The following USP34 variants were observed in gnomAD, a reference collection of about 807,000 sequenced individuals.
USP34 encodes the protein ubiquitin carboxyl-terminal hydrolase 34.
USP34 carries 70 observed loss-of-function variants against 460.3 expected under a neutral mutation model. That is an observed-to-expected ratio of 0.15 (90% CI 0.13 to 0.19). The LOEUF is 0.19. USP34 is among the 10% of genes least tolerant of loss of function. USP34 has a pLI of 1.00. For synonymous variants in USP34, 1,647 were observed against 1,405.3 expected (o/e 1.17, Z -3.85); for missense variants, 3,985 against 4,236.2 (o/e 0.94, Z 1.65).
At chr2:61,227,391 T>C (rs187601761) in intron 61 of USP34, among the ~76,000 whole-genome samples, 173 bp from the exon 62 acceptor site, 22 of 152,166 alleles carry the variant, frequency 1.4e-4, no homozygotes, top group Admixed American at 1.3e-3. Context: ...TTCAGGACAA[T>C]CTTAGATTAA....
chr2:61,462,170 C>T (rs1391999111), intron 1 of USP34, among the ~76,000 whole-genome samples: 1 of 149,614 alleles, frequency 6.7e-6, no homozygotes, highest in Non-Finnish European at 1.5e-5. Context: ...ACCCGGGAGG[C>T]GGAGGTTGCA....
intron 61 of USP34, among the ~76,000 whole-genome samples, chr2:61,227,452 C>T (rs566828002): frequency 2.0e-5 from 3 of 152,196 alleles, no homozygotes; most frequent in South Asian, 4.1e-4. Context: ...TGGTGGCTCA[C>T]GTAATCCCAG....
chr2:61,204,637 T>A, intron 72 of USP34, 36 bp from the exon 73 acceptor site: 1 of 1,522,366 alleles, frequency 6.6e-7, no homozygotes, highest in Non-Finnish European at 9.1e-7. Context: ...AGCAAAAAAT[T>A]AAGAGTTATA....
Position 61,347,847 on chromosome 2 carries a change from T to C in USP34, c.2285+23A>G, listed in dbSNP as rs756314258. 5.5e-5 allele frequency: 88 copies of C among 1,606,394 alleles called. 1 individual carries two copies. The South Asian group carries it at 9.5e-4, about 17-fold the overall frequency. On this transcript the variant is annotated intron_variant, in intron 15 of 79. Transcript: ENST00000398571. Reference sequence around the variant, plus strand: ...TTCCCTAAAGGAAATATGAACTGAATATTTATTTTGAAGTAGGCTTACCCA... The same window carrying C: ...TTCCCTAAAGGAAATATGAACTGAACATTTATTTTGAAGTAGGCTTACCCA...
chr2:61,454,875 T>C (rs1248421174), intron 1 of USP34, among the ~76,000 whole-genome samples: 1 of 149,590 alleles, frequency 6.7e-6, no homozygotes, highest in East Asian at 2.0e-4. Flanking sequence ...TTTTTCTTTT[T>C]TTTTTTTTTT....
At chr2:61,380,101 G>T in intron 7 of USP34, 68 bp downstream of exon 7, 1 of 1,383,402 alleles carries the variant, frequency 7.2e-7, no homozygotes. Flanking sequence ...TCCATAAATA[G>T]TGGGTAGTAT....
At chr2:61,240,539 A>G (rs915272545) in intron 53 of USP34, among the ~76,000 whole-genome samples, 1 of 151,888 alleles carries the variant, frequency 6.6e-6, no homozygotes, top group Non-Finnish European at 1.5e-5. Flanking sequence ...CGGCCTCCCA[A>G]AGTGCTGGGA....
At chr2:61,352,299 T>C (rs932366839) in intron 10 of USP34, among the ~76,000 whole-genome samples, 2 of 151,950 alleles carry the variant, frequency 1.3e-5, no homozygotes, top group African/African-American at 4.8e-5. Context: ...TAAAAACACA[T>C]ATATACATGT....
At chr2:61,215,058 T>C (rs1298134783) in intron 67 of USP34, among the ~76,000 whole-genome samples, 1 of 152,218 alleles carries the variant, frequency 6.6e-6, no homozygotes, top group African/African-American at 2.4e-5. Context: ...TACCAAAAGG[T>C]ACCTGAGGAG....
At chr2:61,467,290 G>A (rs866695598) in intron 1 of USP34, among the ~76,000 whole-genome samples, 30 of 151,900 alleles carry the variant, frequency 2.0e-4, no homozygotes, top group Non-Finnish European at 2.5e-4. Context: ...GTGACACAGC[G>A]AGATTCTGTC....
chr2:61,411,051 T>C (rs961469914), intron 2 of USP34, among the ~76,000 whole-genome samples: 1 of 151,976 alleles, frequency 6.6e-6, no homozygotes, highest in African/African-American at 2.4e-5. Flanking sequence ...CTATACATAA[T>C]GAACAAGATA....
At chr2:61,269,484 C>T (rs749455364) in intron 41 of USP34, among the ~76,000 whole-genome samples, 1 of 151,960 alleles carries the variant, frequency 6.6e-6, no homozygotes, top group African/African-American at 2.4e-5. Context: ...ATAAAAGTTG[C>T]TACAGCATTT....
intron 1 of USP34, among the ~76,000 whole-genome samples, chr2:61,425,183 C>A (rs1694475990): frequency 6.6e-6 from 1 of 151,988 alleles, no homozygotes; most frequent in African/African-American, 2.4e-5. Context: ...CATGCCCATG[C>A]CCCCGCCAAC....
chr2:61,462,681 C>T (rs1450952903), intron 1 of USP34, among the ~76,000 whole-genome samples: 3 of 151,668 alleles, frequency 2.0e-5, no homozygotes, highest in Admixed American at 6.6e-5. Flanking sequence ...ACCAACATGG[C>T]GAAACCCCAT....
intron 10 of USP34, among the ~76,000 whole-genome samples, chr2:61,351,138 G>T (rs1248864125): frequency 6.6e-6 from 1 of 152,142 alleles, no homozygotes; most frequent in East Asian, 1.9e-4. Flanking sequence ...ATGGTGGGAA[G>T]ATCTCTTGAT....
chr2:61,452,247 CAA>C (rs939821632), intron 1 of USP34, among the ~76,000 whole-genome samples: 4 of 148,272 alleles, frequency 2.7e-5, no homozygotes, highest in African/African-American at 7.4e-5. Flanking sequence ...TTCTAAATAA[CAA>C]AAGACTACTT....
chr2:61,228,926 G>A lies in USP34; in HGVS notation c.7269C>T (p.Thr2423=), dbSNP rs374318537. The A allele has an allele frequency of 6.2e-7, 1 of 1,610,096 alleles. No homozygotes were observed. The highest frequency in any genetic ancestry group is 8.5e-7 in the Non-Finnish European group (1 of 1,177,974). ...GRSCVTRFVR[T]LLLIMEHGVK... Reference sequence around the variant, plus strand: ...CACCATGTTCCATAATTAATAACAGGGTTCTCACAAAGCGAGTGACACATG... The same window carrying A: ...CACCATGTTCCATAATTAATAACAGAGTTCTCACAAAGCGAGTGACACATG... The change falls in exon 60 of 80, where the codon ACC becomes ACT. Residue 2423 remains threonine (T), a synonymous_variant. Transcript: ENST00000398571.
chr2:61,220,175 AAAAAAAAG>A, intron 67 of USP34, 127 bp downstream of exon 67: 1 of 458,760 alleles, frequency 2.2e-6, no homozygotes, highest in South Asian at 7.7e-5. Context: ...AAAAAAAAAA[AAAAAAAAG>A]GAAATAACAT....
chr2:61,245,096 T>C (rs1003362420), intron 51 of USP34, 114 bp downstream of exon 51: 2 of 658,084 alleles, frequency 3.0e-6, no homozygotes, highest in Admixed American at 5.8e-5. Context: ...GAATAAATTT[T>C]TGATTTAATC....
Sources: gnomAD v4.1 joint callset for allele counts (sites outside exome capture counted in the v4.1 genomes callset) on GRCh38, gnomAD v4.1.1 for gene constraint, MANE v1.5 for transcripts, NCBI Gene and HGNC (gene_info 2026-07-23, HGNC 2026-07-21) for gene names.